Variants in DYNC2H1 observed in about 807,000 individuals in gnomAD.
The protein encoded by DYNC2H1 is dynein cytoplasmic 2 heavy chain 1.
Under a neutral mutation model 570.0 loss-of-function variants are expected in DYNC2H1, and 410 were observed. The observed-to-expected ratio is 0.72, with a 90% CI of 0.66 to 0.78. The LOEUF (loss-of-function observed/expected upper bound fraction) is 0.78, where lower values mean the gene tolerates loss of function less well. Ranked by LOEUF, DYNC2H1 falls within the 30% of genes least tolerant of loss-of-function variation. DYNC2H1 has a pLI of 0.00. For missense variants in DYNC2H1, 4,865 were observed against 5,046.4 expected (o/e 0.96, Z 1.09); for synonymous variants, 1,688 against 1,677.6 (o/e 1.01, Z -0.15).
At position 103,186,125 on chromosome 11, in the gene DYNC2H1, A is replaced by T; in HGVS notation, c.6634-117A>T. On this transcript the variant is annotated intron_variant, in intron 41 of 88. Transcript: ENST00000375735. This position sits in a 1 kb window ranked among gnomAD's most constrained non-coding sequence, Gnocchi z 4.5. ...ATTAATGATAAAATAGGTTTAGTTT[A>T]TGTAAAGTTTTCTTGGAACTAAGAT... 1.0e-6 allele frequency: 1 copy of T among 980,856 alleles called. No individual in the cohort carries two copies. The highest frequency in any genetic ancestry group is 1.5e-6 in the Non-Finnish European group (1 of 684,076). 60.8% of individuals were successfully genotyped at this position (980,856 alleles called of 1,614,324 possible). A position where few individuals can be genotyped will look rare whatever the true frequency, so the allele number is the denominator to read the frequency against.
At chr11:103,176,971 A>G (rs1172856726) in intron 37 of DYNC2H1, among the ~76,000 whole-genome samples, 2 of 152,030 alleles carry the variant, frequency 1.3e-5, no homozygotes, top group Non-Finnish European at 2.9e-5. Context: ...CTCCCAAAGC[A>G]CTGGGATTAC....
chr11:103,127,446 A>G (rs954693766), intron 12 of DYNC2H1, among the ~76,000 whole-genome samples: 13 of 152,194 alleles, frequency 8.5e-5, no homozygotes, highest in African/African-American at 3.1e-4. Flanking sequence ...TCTTGATTGT[A>G]CTTTTTCTGG....
intron 84 of DYNC2H1, among the ~76,000 whole-genome samples, chr11:103,432,332 C>A (rs1173535211): frequency 6.6e-6 from 1 of 152,098 alleles, no homozygotes. Context: ...TATAGAATGG[C>A]CGATGTTGAG....
At chr11:103,234,870 T>G (rs1286153428) in intron 61 of DYNC2H1, among the ~76,000 whole-genome samples, 1 of 152,108 alleles carries the variant, frequency 6.6e-6, no homozygotes, top group African/African-American at 2.4e-5. Flanking sequence ...GTCTCCTTTA[T>G]TTTCTGTTTC....
At chr11:103,287,172 T>A (rs1419034900) in intron 74 of DYNC2H1, among the ~76,000 whole-genome samples, 1 of 152,072 alleles carries the variant, frequency 6.6e-6, no homozygotes, top group Non-Finnish European at 1.5e-5. Context: ...AAATAGTGAT[T>A]TGAAAATTTT....
At chr11:103,291,437 CAATAAATA>C (rs749615097) in intron 75 of DYNC2H1, among the ~76,000 whole-genome samples, 43 of 130,086 alleles carry the variant, frequency 3.3e-4, no homozygotes, top group African/African-American at 1.1e-3. Context: ...GCCTCCATCT[CAATAAATA>C]AATAAATAAA....
chr11:103,345,624 A>G (rs1002328876), intron 82 of DYNC2H1, among the ~76,000 whole-genome samples: 2 of 152,168 alleles, frequency 1.3e-5, no homozygotes, highest in Admixed American at 1.3e-4. Flanking sequence ...TTCTATTGGA[A>G]AAACAGCAAT....
intron 60 of DYNC2H1, among the ~76,000 whole-genome samples, chr11:103,231,878 C>A (rs1477271225): frequency 6.6e-6 from 1 of 151,854 alleles, no homozygotes; most frequent in Non-Finnish European, 1.5e-5. Context: ...GTGTTTCTCT[C>A]TCCCCCTCTC....
intron 85 of DYNC2H1, among the ~76,000 whole-genome samples, chr11:103,453,156 A>T (rs1591779455): frequency 2.0e-5 from 3 of 152,190 alleles, no homozygotes; most frequent in South Asian, 4.1e-4. Flanking sequence ...AAGGGACTAG[A>T]GGTTTTATGT....
Position 103,187,469 on chromosome 11 carries a change from T to A in DYNC2H1, c.7023T>A (p.Asn2341Lys), listed in dbSNP as rs1862119657. Residue 2341 changes from asparagine to lysine, a missense_variant, in exon 43 of 89, where the codon AAT becomes AAA. By Grantham distance (94) the Asn-to-Lys change is moderately conservative (BLOSUM62 0). Transcript: ENST00000375735. Reference protein sequence around the residue: ...LSQTCMVISTNTGRVYRPKDC... With the variant: ...LSQTCMVISTKTGRVYRPKDC... ...AGACTTGCATGGTAATCAGTACTAA[T>A]ACTGGTCGTGTATACAGACCAAAAG... 2 of 1,613,308 alleles carry A rather than the reference T, an allele frequency of 1.2e-6. No individual in the cohort carries two copies. Among genetic ancestry groups the A allele is most frequent in the African/African-American group, 1.3e-5 (1 of 74,878 alleles).
In DYNC2H1 at chr11:103,168,863, G is replaced by C; in HGVS notation, c.4871G>C (p.Trp1624Ser). Residue 1624 changes from tryptophan (W) to serine (S), a missense_variant, in exon 32 of 89, where the codon TGG becomes TCG. Physicochemically the swap from Trp to Ser is radical, Grantham distance 177. Coordinates refer to ENST00000375735, the MANE Select transcript of DYNC2H1 (RefSeq NM_001377.3). ...ATTCAGGTTCATACAACTGAAGACT[G>C]GGCTTGGAAAAAACAACTTAGATTC... ...NQIQVHTTED[W>S]AWKKQLRFYM... The C allele has an allele frequency of 6.2e-7, 1 of 1,613,088 alleles. No homozygotes were observed. Among genetic ancestry groups the C allele is most frequent in the Non-Finnish European group, 8.5e-7 (1 of 1,179,458 alleles).
In DYNC2H1 at chr11:103,109,766, C is replaced by T. The variant is rs1425544212; in HGVS notation, c.192C>T (p.Asn64=). 6.2e-7 allele frequency: 1 copy of T among 1,612,690 alleles called. No homozygotes were observed. The highest frequency in any genetic ancestry group is 8.5e-7 in the Non-Finnish European group (1 of 1,179,292). ...QRSDAGISFS[N]TIEFGDTKDK... ...CCGACGCAGGAATCTCCTTTTCCAACACGGTACGGTTCCTTGCACTCCTGC... is the reference window on the plus strand; with the variant it reads ...CCGACGCAGGAATCTCCTTTTCCAATACGGTACGGTTCCTTGCACTCCTGC... Residue 64 remains asparagine, a synonymous_variant, in exon 1 of 89, where the codon AAC becomes AAT. Transcript: ENST00000375735.
At chr11:103,451,489 C>T (rs905494078) in intron 85 of DYNC2H1, among the ~76,000 whole-genome samples, 7 of 151,866 alleles carry the variant, frequency 4.6e-5, no homozygotes, top group South Asian at 2.1e-4. Context: ...CGTGCCACCA[C>T]GCCTGGCTAA....
In DYNC2H1 at chr11:103,120,482, C is replaced by A; in HGVS notation, c.1035C>A (p.Leu345=). The A allele has an allele frequency of 6.2e-7, 1 of 1,612,346 alleles. No homozygotes were observed. The highest frequency in any genetic ancestry group is 8.5e-7 in the Non-Finnish European group (1 of 1,178,994). ...TTAGAACAATTCATGAGAAGTTTCTCTATTTTCTACCTGCCAGTGAAGAGA... is the reference window on the plus strand; with the variant it reads ...TTAGAACAATTCATGAGAAGTTTCTATATTTTCTACCTGCCAGTGAAGAGA... The part of the protein sequence containing the change: ...LAIRTIHEKF[L]YFLPASEEKI... Residue 345 remains leucine, a synonymous_variant, in exon 7 of 89, where the codon CTC becomes CTA. Coordinates refer to ENST00000375735, the MANE Select transcript of DYNC2H1 (RefSeq NM_001377.3).
At chr11:103,418,113 G>T (rs972819503) in intron 84 of DYNC2H1, among the ~76,000 whole-genome samples, 1 of 151,964 alleles carries the variant, frequency 6.6e-6, no homozygotes, top group Admixed American at 6.6e-5. Flanking sequence ...TTCCTTTTAT[G>T]ATCAGGAATG....
At chr11:103,313,489 ATC>A (rs1440344875) in intron 79 of DYNC2H1, among the ~76,000 whole-genome samples, 1 of 151,926 alleles carries the variant, frequency 6.6e-6, no homozygotes, top group Admixed American at 6.6e-5. Flanking sequence ...GTTGAGGAAA[ATC>A]TCTCCTCAAA....
At chr11:103,327,091 C>T (rs1489794769) in intron 82 of DYNC2H1, among the ~76,000 whole-genome samples, 2 of 152,076 alleles carry the variant, frequency 1.3e-5, no homozygotes, top group Admixed American at 6.6e-5. Flanking sequence ...CGGGAACAGC[C>T]CCGAGCATTA....
Position 103,220,667 on chromosome 11 carries a change from C to T in DYNC2H1, c.8991C>T (p.Pro2997=), listed in dbSNP as rs765905797. The T allele has an allele frequency of 5.5e-5, 88 of 1,611,760 alleles. 1 individual carries two copies. Among genetic ancestry groups the T allele is most frequent in the South Asian group, 2.1e-4 (19 of 90,694 alleles). ...EAKLAVGNIK[P]ESLSEIRSLR... is the part of the protein sequence containing the mutation. The stretch of plus-strand genomic sequence containing the variant: ...AACTAGCAGTTGGAAACATTAAGCC[C>T]GAATCACTTTCAGAAATTCGCTCAC... Residue 2997 remains proline, a synonymous_variant, in exon 57 of 89, where the codon CCC becomes CCT. Coordinates refer to ENST00000375735, the MANE Select transcript of DYNC2H1 (RefSeq NM_001377.3).
At chr11:103,117,518 C>A in intron 5 of DYNC2H1, 113 bp from the exon 6 acceptor site, 6 of 849,394 alleles carry the variant, frequency 7.1e-6, no homozygotes, top group Non-Finnish European at 8.6e-6. Flanking sequence ...TTTCATAGAT[C>A]CTTAGTTGGC....
Sources: allele counts gnomAD v4.1 joint callset (sites outside exome capture counted in the v4.1 genomes callset), GRCh38; gene constraint gnomAD v4.1.1; non-coding constraint Gnocchi (gnomAD v3.1); transcripts MANE v1.5; gene names NCBI Gene and HGNC (gene_info 2026-07-23, HGNC 2026-07-21).